The following PDE1A variants were observed in gnomAD, a reference collection of about 807,000 sequenced individuals.
The protein encoded by PDE1A is phosphodiesterase 1A.
A neutral mutation model predicts 61.7 loss-of-function variants in PDE1A; 35 were observed. The ratio of observed to expected loss-of-function variants is 0.57; its 90% confidence interval spans 0.43 to 0.75. The LOEUF (loss-of-function observed/expected upper bound fraction) is 0.75. Among genes scored for constraint, PDE1A ranks in the 30% least tolerant of loss-of-function variants. The pLI, the probability that PDE1A is intolerant of heterozygous loss-of-function variation, is 0.00. For synonymous variants in PDE1A, 232 were observed against 213.2 expected (o/e 1.09, Z -0.77); for missense variants, 597 against 630.6 (o/e 0.95, Z 0.57).
chr2:182,441,473 C>A (rs934916261), intron 2 of PDE1A, among the ~76,000 whole-genome samples: 4 of 151,940 alleles, frequency 2.6e-5, no homozygotes, highest in Non-Finnish European at 5.9e-5. Context: ...AAAATAGGTA[C>A]CATGGCATTG....
At chr2:182,363,180 T>C (rs896498023) in intron 1 of PDE1A, among the ~76,000 whole-genome samples, 2 of 152,014 alleles carry the variant, frequency 1.3e-5, no homozygotes, top group Admixed American at 6.6e-5. Flanking sequence ...TTTACCTATA[T>C]AACAAACCTG....
At chr2:182,514,750 A>C (rs1457432790) in intron 2 of PDE1A, among the ~76,000 whole-genome samples, 1 of 152,214 alleles carries the variant, frequency 6.6e-6, no homozygotes, top group Non-Finnish European at 1.5e-5. Context: ...CTCTGGAAAT[A>C]GACCCTGGCA....
chr2:182,236,880 A>C (rs1015289832), intron 3 of PDE1A, among the ~76,000 whole-genome samples: 1 of 152,194 alleles, frequency 6.6e-6, no homozygotes, highest in South Asian at 2.1e-4. Context: ...TTACCCTTCC[A>C]AAGAGATAGC....
the PDE1A span, among the ~76,000 whole-genome samples, chr2:182,693,722 C>A: frequency 2.7e-5 from 4 of 150,554 alleles, no homozygotes; most frequent in African/African-American, 9.8e-5. Context: ...ACTCGGCTCA[C>A]TGCAGCCTCC....
the PDE1A span, among the ~76,000 whole-genome samples, chr2:182,607,727 C>A: frequency 6.6e-6 from 1 of 152,132 alleles, no homozygotes; most frequent in Non-Finnish European, 1.5e-5. Flanking sequence ...ATAAAAGGTT[C>A]ATATTACAGG....
intron 1 of PDE1A, among the ~76,000 whole-genome samples, chr2:182,405,280 T>C (rs561297401): frequency 1.8e-4 from 28 of 152,370 alleles, no homozygotes; most frequent in Middle Eastern, 3.4e-3. Context: ...TTAAATTTAT[T>C]GTCACTCTTC....
intron 13 of PDE1A, among the ~76,000 whole-genome samples, chr2:182,155,285 C>T (rs1250537494): frequency 1.3e-5 from 2 of 151,710 alleles, no homozygotes; most frequent in South Asian, 2.1e-4. Context: ...GATGGGGTTT[C>T]GTCATGTTGC....
chr2:182,636,250 G>A, the PDE1A span, among the ~76,000 whole-genome samples: 3,215 of 152,050 alleles, frequency 0.021, 47 homozygotes, highest in Non-Finnish European at 0.034. Context: ...GATACATTGA[G>A]CCCGGCCTCA....
At chr2:182,223,622 T>C (rs930644867) in intron 7 of PDE1A, among the ~76,000 whole-genome samples, 3 of 152,088 alleles carry the variant, frequency 2.0e-5, no homozygotes, top group South Asian at 2.1e-4. Flanking sequence ...CAGAGACAGA[T>C]TGTCTTAAAC....
intron 1 of PDE1A, among the ~76,000 whole-genome samples, chr2:182,341,312 C>T (rs1698168261): frequency 6.6e-6 from 1 of 152,218 alleles, no homozygotes; most frequent in Non-Finnish European, 1.5e-5. Context: ...TCCTCATCCA[C>T]AGCATCCTAT....
At chr2:182,684,709 C>G in the PDE1A span, among the ~76,000 whole-genome samples, 1 of 152,172 alleles carries the variant, frequency 6.6e-6, no homozygotes, top group Non-Finnish European at 1.5e-5. Context: ...CGCCACCACA[C>G]CCAGCTATTT....
At chr2:182,201,477 G>A (rs762592414) in exon 10 of PDE1A, 11 of 1,613,848 alleles carry the variant, frequency 6.8e-6, no homozygotes, top group Admixed American at 5.0e-5. Flanking sequence ...ATGGTCCACC[G>A]ATAATGCAGC....
the PDE1A span, among the ~76,000 whole-genome samples, chr2:182,654,620 C>A: frequency 1.3e-5 from 2 of 152,074 alleles, no homozygotes; most frequent in African/African-American, 2.4e-5. Flanking sequence ...CTGATATATG[C>A]TTTAAGTCCT....
chr2:182,296,956 C>A (rs1301856525), intron 1 of PDE1A, among the ~76,000 whole-genome samples: 1 of 152,174 alleles, frequency 6.6e-6, no homozygotes, highest in African/African-American at 2.4e-5. Context: ...AGGATTTATG[C>A]CACAGGCTGC....
At chr2:182,423,732 G>C (rs541087330) in intron 1 of PDE1A, among the ~76,000 whole-genome samples, 107 of 151,986 alleles carry the variant, frequency 7.0e-4, no homozygotes, top group African/African-American at 2.5e-3. Flanking sequence ...TATCCTCAAT[G>C]ATATGTCACG....
intron 10 of PDE1A, among the ~76,000 whole-genome samples, chr2:182,192,076 C>G (rs936035663): frequency 5.3e-5 from 8 of 151,928 alleles, no homozygotes; most frequent in African/African-American, 1.5e-4. Context: ...AAGGTGGTCT[C>G]GAACTCCTGA....
chr2:182,242,790 C>T (rs552184063), intron 2 of PDE1A, among the ~76,000 whole-genome samples: 68 of 152,216 alleles, frequency 4.5e-4, no homozygotes, highest in African/African-American at 1.6e-3. Flanking sequence ...TGCCAGTTTG[C>T]TTTGCAAATT....
chr2:182,621,141 C>A, the PDE1A span, among the ~76,000 whole-genome samples: 12 of 152,166 alleles, frequency 7.9e-5, no homozygotes, highest in African/African-American at 2.9e-4. Context: ...CATCCCAAGA[C>A]TCTAAGTCTG....
At chr2:182,399,197 AT>A (rs1442324585) in intron 1 of PDE1A, among the ~76,000 whole-genome samples, 4 of 151,910 alleles carry the variant, frequency 2.6e-5, no homozygotes, top group African/African-American at 4.8e-5. Context: ...TTTAACCCAT[AT>A]TTTTTTCTTC....
Sources: gnomAD v4.1 joint callset for allele counts (sites outside exome capture counted in the v4.1 genomes callset) on GRCh38, gnomAD v4.1.1 for gene constraint, MANE v1.5 for transcripts, NCBI Gene and HGNC (gene_info 2026-07-23, HGNC 2026-07-21) for gene names.